The following SLC38A12 variants were observed in gnomAD, a reference collection of about 807,000 sequenced individuals.
The protein encoded by SLC38A12 is solute carrier family 38 member 12.
the SLC38A12 span, among the ~76,000 whole-genome samples, chr17:74,801,244 G>A: frequency 6.6e-6 from 1 of 152,208 alleles, no homozygotes; most frequent in Non-Finnish European, 1.5e-5. Context: ...TAGAAAGGTC[G>A]GGTTTGTTTT....
the SLC38A12 span, among the ~76,000 whole-genome samples, chr17:74,799,804 C>T: frequency 6.6e-6 from 1 of 152,226 alleles, no homozygotes; most frequent in Non-Finnish European, 1.5e-5. Context: ...GTGCAGTCCC[C>T]ATTTCAAAAC....
chr17:74,812,911 AG>A, the SLC38A12 span, among the ~76,000 whole-genome samples: 6 of 152,182 alleles, frequency 3.9e-5, no homozygotes, highest in African/African-American at 1.4e-4. Context: ...GCTGGAGTGA[AG>A]AGAAGGCTGC....
the SLC38A12 span, among the ~76,000 whole-genome samples, chr17:74,792,326 C>T: frequency 6.6e-6 from 1 of 152,044 alleles, no homozygotes; most frequent in Non-Finnish European, 1.5e-5. Context: ...TGGTGCACAC[C>T]TGTGGTCCCA....
chr17:74,797,257 C>T, the SLC38A12 span, among the ~76,000 whole-genome samples: 1 of 152,230 alleles, frequency 6.6e-6, no homozygotes, highest in Non-Finnish European at 1.5e-5. Flanking sequence ...GGAAGCCTCC[C>T]TCCCTGGATC....
At chr17:74,795,259 C>A in the SLC38A12 span, 2 of 716,050 alleles carry the variant, frequency 2.8e-6, no homozygotes, top group East Asian at 2.7e-5. Context: ...CTGCACAGAC[C>A]ACAGCCAGCC....
At chr17:74,816,416 C>T in the SLC38A12 span, among the ~76,000 whole-genome samples, 2 of 152,182 alleles carry the variant, frequency 1.3e-5, no homozygotes, top group Non-Finnish European at 2.9e-5. Flanking sequence ...GGACAGGCAG[C>T]CCTGTTGAGC....
the SLC38A12 span, among the ~76,000 whole-genome samples, chr17:74,820,764 G>A: frequency 2.0e-5 from 3 of 152,256 alleles, no homozygotes; most frequent in Non-Finnish European, 4.4e-5. Context: ...CCCCAGCCCC[G>A]TTTCCCACTG....
chr17:74,788,668 C>A, the SLC38A12 span: 1 of 736,666 alleles, frequency 1.4e-6, no homozygotes, highest in Non-Finnish European at 2.2e-6. Context: ...TAGGGAACAG[C>A]TCTCAGAAAA....
chr17:74,808,544 C>T, the SLC38A12 span, among the ~76,000 whole-genome samples: 3 of 152,158 alleles, frequency 2.0e-5, no homozygotes, highest in Non-Finnish European at 2.9e-5. Flanking sequence ...TTCTGAGCCT[C>T]GTCTTCCCTG....
chr17:74,819,900 C>T, the SLC38A12 span: 3 of 1,528,242 alleles, frequency 2.0e-6, no homozygotes, highest in East Asian at 4.5e-5. Context: ...CCTTCCCTCT[C>T]CTTTCATGAG....
chr17:74,824,562 G>A, the SLC38A12 span, among the ~76,000 whole-genome samples: 47,030 of 152,016 alleles, frequency 0.31, 9,159 homozygotes, highest in Non-Finnish European at 0.42. Context: ...TGAACAGCTG[G>A]CTTGGTGCGG....
At chr17:74,807,808 G>C in the SLC38A12 span, among the ~76,000 whole-genome samples, 2 of 152,182 alleles carry the variant, frequency 1.3e-5, no homozygotes, top group African/African-American at 4.8e-5. Flanking sequence ...ACGTCCCACA[G>C]CTTTGCGCAC....
chr17:74,824,926 C>A, the SLC38A12 span, among the ~76,000 whole-genome samples: 1 of 152,184 alleles, frequency 6.6e-6, no homozygotes, highest in African/African-American at 2.4e-5. Context: ...AAGCCATCAC[C>A]TGGGGACATG....
chr17:74,786,437 C>A, the SLC38A12 span, among the ~76,000 whole-genome samples: 1 of 152,258 alleles, frequency 6.6e-6, no homozygotes, highest in African/African-American at 2.4e-5. Flanking sequence ...CCACAAAGAT[C>A]CCTGCCTGTG....
chr17:74,794,950 A>G, the SLC38A12 span: 18,599 of 484,226 alleles, frequency 0.038, 96 homozygotes, highest in Admixed American at 0.093. Context: ...AGAAGAAGAA[A>G]AAAAAAAAAA....
the SLC38A12 span, among the ~76,000 whole-genome samples, chr17:74,804,039 G>A: frequency 1.4e-4 from 22 of 152,186 alleles, no homozygotes; most frequent in Non-Finnish European, 2.9e-4. Flanking sequence ...AATGAAAACT[G>A]TATATGCCAA....
At chr17:74,810,512 C>T in the SLC38A12 span, among the ~76,000 whole-genome samples, 2 of 152,332 alleles carry the variant, frequency 1.3e-5, no homozygotes, top group South Asian at 4.1e-4. Context: ...GGCAGCCAGC[C>T]TCCGCCTGTC....
At chr17:74,802,719 G>GT in the SLC38A12 span, among the ~76,000 whole-genome samples, 2 of 152,182 alleles carry the variant, frequency 1.3e-5, no homozygotes, top group Non-Finnish European at 2.9e-5. Context: ...TTTGAGGATC[G>GT]TGTCAGTGCT....
chr17:74,808,654 T>C, the SLC38A12 span, among the ~76,000 whole-genome samples: 13 of 152,164 alleles, frequency 8.5e-5, no homozygotes, highest in South Asian at 6.2e-4. Context: ...AAGGGTGTCA[T>C]GTTCAGGGGC....
Sources: gnomAD v4.1 joint callset for allele counts (sites outside exome capture counted in the v4.1 genomes callset) on GRCh38, gnomAD v4.1.1 for gene constraint, MANE v1.5 for transcripts, NCBI Gene and HGNC (gene_info 2026-07-23, HGNC 2026-07-21) for gene names.